GRM7: variants seen among roughly 807,000 people sequenced by gnomAD.
GRM7 encodes metabotropic glutamate receptor 7.
In GRM7, 35 loss-of-function variants were observed where a neutral mutation model predicts 84.5. That is an observed-to-expected ratio of 0.41 (90% CI 0.32 to 0.55). The LOEUF is 0.55. GRM7 is among the 20% of genes least tolerant of loss of function. The pLI, the probability that GRM7 is intolerant of heterozygous loss-of-function variation, is 0.19. For synonymous variants in GRM7, 487 were observed against 455.1 expected, an observed-to-expected ratio of 1.07 and a Z score of -0.89; for missense variants, 1,003 against 1,194.6, an observed-to-expected ratio of 0.84 and a Z score of 2.36.
intron 2 of GRM7, among the ~76,000 whole-genome samples, chr3:7,157,866 G>T (rs1694503692): frequency 6.6e-6 from 1 of 152,018 alleles, no homozygotes; most frequent in African/African-American, 2.4e-5. Flanking sequence ...ATTTAATAAG[G>T]TGGCCGAACA....
At chr3:7,276,776 T>TCCCTCCC (rs1699075387) in intron 2 of GRM7, among the ~76,000 whole-genome samples, 1 of 92 alleles carries the variant, frequency 0.011, no homozygotes. Context: ...CCTTCCTTCC[T>TCCCTCCC]TCCTTCCTTC....
intron 7 of GRM7, among the ~76,000 whole-genome samples, chr3:7,530,515 C>T (rs901123269): frequency 2.0e-5 from 3 of 152,248 alleles, no homozygotes; most frequent in Admixed American, 2.0e-4. Flanking sequence ...TGAGGAATTG[C>T]CACACTGTCT....
chr3:7,587,097 C>A (rs374030251), intron 8 of GRM7, among the ~76,000 whole-genome samples: 2 of 152,050 alleles, frequency 1.3e-5, no homozygotes, highest in African/African-American at 4.8e-5. Flanking sequence ...CAAAATTGAT[C>A]AATTTGCATA....
At chr3:7,316,919 G>A (rs1395414775) in intron 4 of GRM7, among the ~76,000 whole-genome samples, 2 of 152,104 alleles carry the variant, frequency 1.3e-5, no homozygotes, top group Admixed American at 6.6e-5. Flanking sequence ...AGAATATTCT[G>A]TCACTTGCTA....
chr3:7,463,071 T>C (rs1039901332), intron 7 of GRM7, among the ~76,000 whole-genome samples: 2 of 152,074 alleles, frequency 1.3e-5, no homozygotes, highest in African/African-American at 4.8e-5. Context: ...AGTGTGTTTT[T>C]ACTGGGTGCT....
At chr3:6,892,438 C>T (rs557104301) in intron 1 of GRM7, among the ~76,000 whole-genome samples, 2 of 152,272 alleles carry the variant, frequency 1.3e-5, no homozygotes, top group East Asian at 3.9e-4. Context: ...GTTACTGAAA[C>T]TTAATCAATA....
At chr3:7,553,053 T>C (rs1440780991) in intron 7 of GRM7, among the ~76,000 whole-genome samples, 7 of 152,330 alleles carry the variant, frequency 4.6e-5, no homozygotes, top group Admixed American at 3.3e-4. Context: ...ACCAAATGCT[T>C]TGAAGCGCAC....
chr3:6,945,907 G>T (rs1575049161), intron 1 of GRM7, among the ~76,000 whole-genome samples: 3 of 151,618 alleles, frequency 2.0e-5, no homozygotes, highest in African/African-American at 7.2e-5. Context: ...TTTTGGTGGG[G>T]TTGTTTTTTT....
chr3:7,329,926 T>C (rs1701135666), intron 4 of GRM7, among the ~76,000 whole-genome samples: 1 of 151,458 alleles, frequency 6.6e-6, no homozygotes, highest in African/African-American at 2.4e-5. Flanking sequence ...AGATGGCATA[T>C]GGATTTAACA....
chr3:7,403,127 A>G (rs903375260), intron 4 of GRM7: 2 of 446,078 alleles, frequency 4.5e-6, no homozygotes, highest in Non-Finnish European at 9.0e-6. Context: ...ACAATGCACA[A>G]TAATTTTCTG....
chr3:7,042,910 C>T (rs1696680344), intron 1 of GRM7, among the ~76,000 whole-genome samples: 2 of 152,184 alleles, frequency 1.3e-5, no homozygotes, highest in African/African-American at 4.8e-5. Context: ...ACAAGTATTT[C>T]TGAGCTTTAT....
chr3:7,112,163 G>A (rs1044340181), intron 1 of GRM7, among the ~76,000 whole-genome samples: 2 of 152,022 alleles, frequency 1.3e-5, no homozygotes, highest in African/African-American at 4.8e-5. Flanking sequence ...GACCTGGTTA[G>A]CTATTTTTAT....
chr3:7,340,302 A>G (rs1479656131), intron 4 of GRM7, among the ~76,000 whole-genome samples: 1 of 152,150 alleles, frequency 6.6e-6, no homozygotes, highest in African/African-American at 2.4e-5. Flanking sequence ...TTTATAAAGA[A>G]AAGGGGTTTA....
intron 8 of GRM7, among the ~76,000 whole-genome samples, chr3:7,590,948 C>T (rs935424016): frequency 6.6e-6 from 1 of 152,130 alleles, no homozygotes; most frequent in African/African-American, 2.4e-5. Flanking sequence ...TACTTTGTAT[C>T]CCTAGAGCTC....
intron 1 of GRM7, among the ~76,000 whole-genome samples, chr3:7,063,960 A>T (rs1391946): frequency 2.1e-3 from 312 of 149,118 alleles, no homozygotes; most frequent in African/African-American, 7.2e-3. Context: ...CGTGTAGAGC[A>T]AAAGGTGGTG....
chr3:7,500,772 C>G (rs1699858783), intron 7 of GRM7, among the ~76,000 whole-genome samples: 1 of 152,182 alleles, frequency 6.6e-6, no homozygotes, highest in Non-Finnish European at 1.5e-5. Flanking sequence ...ATGACTAGGG[C>G]AGAGGCATAG....
chr3:6,938,875 C>T (rs1029356359), intron 1 of GRM7, among the ~76,000 whole-genome samples: 1 of 152,202 alleles, frequency 6.6e-6, no homozygotes, highest in Non-Finnish European at 1.5e-5. Flanking sequence ...AACCCCAAAA[C>T]TTGGGAAATC....
chr3:7,686,370 A>C (rs373954225), intron 9 of GRM7: 1 of 1,431,364 alleles, frequency 7.0e-7, no homozygotes, highest in Non-Finnish European at 9.9e-7. Context: ...GTATACCACC[A>C]GTAAGAAAGA....
chr3:7,534,907 TG>T (rs1296162809), intron 7 of GRM7, among the ~76,000 whole-genome samples: 3 of 152,162 alleles, frequency 2.0e-5, no homozygotes, highest in Non-Finnish European at 2.9e-5. Context: ...TAGGGTGTTC[TG>T]GGGGGTGGTT....
Sources: gnomAD v4.1 joint callset for allele counts (sites outside exome capture counted in the v4.1 genomes callset) on GRCh38, gnomAD v4.1.1 for gene constraint, MANE v1.5 for transcripts, NCBI Gene and HGNC (gene_info 2026-07-23, HGNC 2026-07-21) for gene names.